Variants in UBXN7 observed in about 807,000 individuals in gnomAD.
UBXN7 encodes the protein UBX domain protein 7.
Under a neutral mutation model 58.0 loss-of-function variants are expected in UBXN7, and 9 were observed. The observed-to-expected ratio is 0.16, with a 90% CI of 0.09 to 0.27. The LOEUF is 0.27. UBXN7 is among the 10% of genes least tolerant of loss of function. The pLI, the probability that UBXN7 is intolerant of heterozygous loss-of-function variation, is 1.00. For synonymous variants in UBXN7, 208 were observed against 205.0 expected (o/e 1.01, Z -0.12); for missense variants, 328 against 599.6 (o/e 0.55, Z 4.73).
At position 196,398,182 on chromosome 3, in the gene UBXN7, G is replaced by A. The variant is rs76806878; in HGVS notation, c.290-4563C>T. ...GCAATAGCCACATGAATGAGTTTAG[G>A]AGATCCTCCTCCATTCAGGCTTTGA... On this transcript the variant is annotated intron_variant, in intron 3 of 10. Transcript: ENST00000296328. Among the ~76,000 whole-genome samples, 456 of 152,296 alleles carry A rather than the reference G, an allele frequency of 3.0e-3. 12 individuals carry two copies. The East Asian group carries it at 0.057, about 19-fold the overall frequency.
rs919997658 is a variant in UBXN7, at chr3:196,356,585, T to A, written c.*100A>T. 28 of 1,364,422 alleles carry A rather than the reference T, an allele frequency of 2.1e-5. No individual in the cohort carries two copies. Among genetic ancestry groups the A allele is most frequent in the Non-Finnish European group, 2.5e-5 (25 of 1,010,892 alleles). The allele number at this position is 1,364,422 out of a possible 1,614,324, so 84.5% of individuals were successfully genotyped here. A position where few individuals can be genotyped will look rare whatever the true frequency, so the allele number is the denominator to read the frequency against. On this transcript the variant is annotated 3_prime_UTR_variant, in exon 11 of 11. Coordinates refer to ENST00000296328, the MANE Select transcript of UBXN7 (RefSeq NM_015562.2). ...AGGAAGGTGACTTGCTTGCCCAACT[T>A]TGGCTCTGTGGTCCTATGAGCCAAA...
intron 1 of UBXN7, among the ~76,000 whole-genome samples, chr3:196,417,433 G>C (rs949171970): frequency 6.6e-6 from 1 of 152,128 alleles, no homozygotes; most frequent in Non-Finnish European, 1.5e-5. Flanking sequence ...CTCATGCTAA[G>C]GAGCACAGAA....
chr3:196,395,786 G>A (rs1018920483), intron 3 of UBXN7, among the ~76,000 whole-genome samples: 1 of 151,776 alleles, frequency 6.6e-6, no homozygotes, highest in African/African-American at 2.4e-5. Context: ...TATTTATTGC[G>A]ACAGAGTCTC....
At chr3:196,364,418 A>G (rs1012630239) in intron 8 of UBXN7, among the ~76,000 whole-genome samples, 2 of 152,198 alleles carry the variant, frequency 1.3e-5, no homozygotes, top group African/African-American at 4.8e-5. Context: ...CCAGAGTATT[A>G]ATTAATGAAA....
intron 3 of UBXN7, among the ~76,000 whole-genome samples, chr3:196,395,019 T>G (rs1729726432): frequency 6.6e-6 from 1 of 152,186 alleles, no homozygotes; most frequent in Non-Finnish European, 1.5e-5. Flanking sequence ...TTCTTAAACC[T>G]AAACAAATTA....
intron 5 of UBXN7, among the ~76,000 whole-genome samples, chr3:196,390,730 G>GAA (rs528568666): frequency 3.9e-5 from 4 of 101,584 alleles, no homozygotes; most frequent in East Asian, 2.9e-4. Flanking sequence ...CCATCTCAAG[G>GAA]AAAAAAAAAA....
chr3:196,414,473 G>T (rs189835506), intron 1 of UBXN7, among the ~76,000 whole-genome samples: 5 of 152,196 alleles, frequency 3.3e-5, no homozygotes, highest in Admixed American at 6.5e-5. Context: ...TACAAGATTT[G>T]TTCCTTACCC....
intron 5 of UBXN7, among the ~76,000 whole-genome samples, chr3:196,386,751 T>A (rs1051380514): frequency 6.6e-6 from 1 of 152,126 alleles, no homozygotes; most frequent in Non-Finnish European, 1.5e-5. Context: ...TGCTCATGGA[T>A]AGGAAGAATC....
At chr3:196,400,760 T>C (rs1189504769) in intron 3 of UBXN7, 2 of 352,086 alleles carry the variant, frequency 5.7e-6, no homozygotes, top group East Asian at 2.0e-4. Context: ...AAAAAAAGAG[T>C]AAAGTGGGGC....
At chr3:196,431,853 A>C (rs1731065108) in intron 1 of UBXN7, 1 of 379,780 alleles carries the variant, frequency 2.6e-6, no homozygotes, top group East Asian at 8.2e-5. Context: ...GGGGCCCAGA[A>C]AGGGGAAGGG....
intron 2 of UBXN7, among the ~76,000 whole-genome samples, chr3:196,405,638 T>C (rs1374750583): frequency 6.6e-6 from 1 of 152,126 alleles, no homozygotes; most frequent in Non-Finnish European, 1.5e-5. Flanking sequence ...CAAACTTTAA[T>C]CTGATGAAAT....
intron 8 of UBXN7, among the ~76,000 whole-genome samples, chr3:196,365,810 C>T (rs553216169): frequency 1.3e-5 from 2 of 152,044 alleles, no homozygotes; most frequent in South Asian, 2.1e-4. Context: ...ACGTATCTAC[C>T]GATAAGATTG....
chr3:196,395,370 A>G (rs1045922501), intron 3 of UBXN7, among the ~76,000 whole-genome samples: 4 of 152,208 alleles, frequency 2.6e-5, no homozygotes, highest in Admixed American at 6.5e-5. Context: ...ATTCCTGTGT[A>G]TATGTGTATG....
At chr3:196,387,459 G>A (rs890593660) in intron 5 of UBXN7, among the ~76,000 whole-genome samples, 3 of 152,128 alleles carry the variant, frequency 2.0e-5, no homozygotes, top group Non-Finnish European at 4.4e-5. Context: ...AAACTAAAGA[G>A]CTTCTGCATG....
chr3:196,387,812 T>C (rs1729456047), intron 5 of UBXN7, among the ~76,000 whole-genome samples: 1 of 152,058 alleles, frequency 6.6e-6, no homozygotes, highest in African/African-American at 2.4e-5. Context: ...GGAGAGGATG[T>C]AGAGAAATAG....
intron 3 of UBXN7, among the ~76,000 whole-genome samples, chr3:196,401,986 A>AG (rs1390073072): frequency 6.6e-6 from 1 of 152,158 alleles, no homozygotes; most frequent in East Asian, 1.9e-4. Context: ...TAAAAGTTGG[A>AG]GGGAAAAAAA....
In UBXN7 at chr3:196,407,306, C is replaced by T; in HGVS notation, c.161G>A (p.Gly54Glu). 1 of 1,614,106 alleles carries T rather than the reference C, an allele frequency of 6.2e-7. No individual in the cohort carries two copies. Among genetic ancestry groups the T allele is most frequent in the Non-Finnish European group, 8.5e-7 (1 of 1,180,038 alleles). Reference sequence around the variant, plus strand: ...ACTGGTACTGGGCTCTTCAGCGATTCCTCCACCATCCAAAAACATAGTGAC... The same window carrying T: ...ACTGGTACTGGGCTCTTCAGCGATTTCTCCACCATCCAAAAACATAGTGAC... ...MAVTMFLDGG[G>E]IAEEPSTSSA... The change falls in exon 2 of 11, where the codon GGA becomes GAA. Residue 54 changes from glycine (G) to glutamate (E), a missense_variant. By Grantham distance (98) the Gly-to-Glu change is moderately conservative. This residue lies in a region of UBXN7 where 106 missense variants were observed against 124.3 expected (regional missense o/e 0.85). Coordinates refer to ENST00000296328, the MANE Select transcript of UBXN7 (RefSeq NM_015562.2).
At chr3:196,376,545 CAAAAAAAAAAAAAA>C (rs777458391) in intron 5 of UBXN7, among the ~76,000 whole-genome samples, 1 of 50,918 alleles carries the variant, frequency 2.0e-5, no homozygotes, top group South Asian at 1.0e-3. Flanking sequence ...GACTCTGTCT[CAAAAAAAAAAAAAA>C]AAAAAAAAAG....
chr3:196,407,856 T>C (rs1208656182), intron 1 of UBXN7, among the ~76,000 whole-genome samples: 1 of 151,986 alleles, frequency 6.6e-6, no homozygotes, highest in African/African-American at 2.4e-5. Context: ...TCCCAACACC[T>C]TGGGAGGCTG....
Sources: allele counts gnomAD v4.1 joint callset (sites outside exome capture counted in the v4.1 genomes callset), GRCh38; gene constraint gnomAD v4.1.1; regional missense constraint gnomAD v4.1.1; transcripts MANE v1.5; gene names NCBI Gene and HGNC (gene_info 2026-07-23, HGNC 2026-07-21).